The following ROS1 variants were observed in gnomAD, a reference collection of about 807,000 sequenced individuals.
ROS1 encodes the protein proto-oncogene tyrosine-protein kinase ROS.
In ROS1, 263 loss-of-function variants were observed where a neutral mutation model predicts 273.5. The ratio of observed to expected loss-of-function variants is 0.96; its 90% CI spans 0.87 to 1.06. The LOEUF (loss-of-function observed/expected upper bound fraction) is 1.06. Among genes scored for constraint, ROS1 ranks in the 50% least tolerant of loss-of-function variants. The probability of loss-of-function intolerance (pLI) is 0.00; values close to 1 mark genes in which losing one functional copy is unlikely to be tolerated. For missense variants in ROS1, 2,833 were observed against 2,751.1 expected (o/e 1.03, Z -0.67); for synonymous variants, 1,008 against 954.1 (o/e 1.06, Z -1.04).
chr6:117,288,484 C>T lies in ROS1; in HGVS notation c.*8G>A, dbSNP rs113903651. 4.1e-5 allele frequency: 66 copies of T among 1,596,344 alleles called. 1 individual carries two copies. In the African/African-American group the frequency reaches 6.2e-4, roughly 15 times the overall value. On this transcript the variant is annotated 3_prime_UTR_variant, in exon 44 of 44. Transcript: ENST00000368507. ...TTATCTCAACTCTCTATTTCCCAAA[C>T]AACGCTATTAATCAGACCCATCTCC...
At position 117,389,884 on chromosome 6, in the gene ROS1, C is replaced by T. The variant is rs41291922; in HGVS notation, c.1290-38G>A. On this transcript the variant is annotated intron_variant, in intron 12 of 43. Transcript: ENST00000368507. ...CAAAAGAAACCTCATGAGATTCAGT[C>T]CAAAGGTTGATGAGTAACCTCCTCA... 3.0e-3 allele frequency: 4,699 copies of T among 1,565,980 alleles called. 10 individuals are homozygous for T. Among genetic ancestry groups the T allele is most frequent in the Middle Eastern group, 7.0e-3 (41 of 5,848 alleles).
In ROS1 at chr6:117,295,439, T is replaced by C. The variant is rs1335516534; in HGVS notation, c.6715+5535A>G. Among the ~76,000 whole-genome samples, 5 of 152,148 alleles carry C rather than the reference T, an allele frequency of 3.3e-5. No individual in the cohort carries two copies. The East Asian group carries it at 9.6e-4, about 29-fold the overall frequency. ...GGACATTGGTTGGGGCAAAAATTTC[T>C]TGAGCAACACCCCACAAGCACAGGC... On this transcript the variant is annotated intron_variant, in intron 43 of 43. Coordinates refer to ENST00000368507, the MANE Select transcript of ROS1 (RefSeq NM_001378902.1).
intron 27 of ROS1, among the ~76,000 whole-genome samples, chr6:117,347,362 C>T (rs969089853): frequency 6.6e-6 from 1 of 152,046 alleles, no homozygotes. Flanking sequence ...TCTAATTCCA[C>T]TTGTCCATTG....
chr6:117,369,094 GA>G (rs1780514772), intron 18 of ROS1, among the ~76,000 whole-genome samples: 1 of 151,966 alleles, frequency 6.6e-6, no homozygotes, highest in South Asian at 2.1e-4. Flanking sequence ...TTATATGTTA[GA>G]AAATACTTTC....
intron 43 of ROS1, among the ~76,000 whole-genome samples, chr6:117,290,856 T>C (rs1004388980): frequency 6.6e-6 from 1 of 152,216 alleles, no homozygotes; most frequent in East Asian, 1.9e-4. Context: ...GTCCTTTCAA[T>C]AGCTTTTCTT....
At chr6:117,384,213 C>A (rs185701451) in intron 16 of ROS1, among the ~76,000 whole-genome samples, 1 of 152,284 alleles carries the variant, frequency 6.6e-6, no homozygotes, top group Admixed American at 6.5e-5. Flanking sequence ...TCTGCTTGCA[C>A]ATCTTTGGCA....
chr6:117,396,529 C>A (rs1773503006), intron 8 of ROS1, among the ~76,000 whole-genome samples: 1 of 152,068 alleles, frequency 6.6e-6, no homozygotes, highest in Non-Finnish European at 1.5e-5. Context: ...TAAAGAGGCT[C>A]TAGTAAATGA....
intron 43 of ROS1, 111 bp downstream of exon 43, chr6:117,300,863 G>T: frequency 1.5e-6 from 1 of 677,606 alleles, no homozygotes; most frequent in African/African-American, 1.9e-5. Flanking sequence ...AAAGGTGCCA[G>T]TATATTATTC....
At chr6:117,375,035 A>T (rs896303817) in intron 18 of ROS1, among the ~76,000 whole-genome samples, 4 of 152,260 alleles carry the variant, frequency 2.6e-5, no homozygotes, top group Non-Finnish European at 5.9e-5. Context: ...GATTGCAAAA[A>T]TATGGAACCA....
chr6:117,419,143 A>G (rs1285627306), intron 1 of ROS1, among the ~76,000 whole-genome samples: 1 of 152,322 alleles, frequency 6.6e-6, no homozygotes, highest in East Asian at 1.9e-4. Flanking sequence ...GCTAGAGAGA[A>G]GAGAGCAGCA....
At chr6:117,409,070 G>C (rs186757447) in intron 5 of ROS1, among the ~76,000 whole-genome samples, 3 of 124,510 alleles carry the variant, frequency 2.4e-5, no homozygotes, top group African/African-American at 8.9e-5. Flanking sequence ...GTTGTGGGGT[G>C]GGGGGAGGGT....
intron 12 of ROS1, among the ~76,000 whole-genome samples, chr6:117,390,206 A>G (rs1309522667): frequency 6.6e-6 from 1 of 152,078 alleles, no homozygotes; most frequent in Admixed American, 6.6e-5. Flanking sequence ...AGCTCACTGC[A>G]GCCTCAACCT....
intron 27 of ROS1, among the ~76,000 whole-genome samples, chr6:117,351,394 G>A (rs1032020929): frequency 1.3e-5 from 2 of 151,946 alleles, no homozygotes; most frequent in Admixed American, 6.6e-5. Context: ...ATGCTCTGGT[G>A]CCTTTCAAAA....
intron 17 of ROS1, among the ~76,000 whole-genome samples, chr6:117,379,722 G>A (rs942937522): frequency 1.3e-5 from 2 of 152,124 alleles, no homozygotes; most frequent in Non-Finnish European, 2.9e-5. Context: ...CTAGGCTCCA[G>A]TATGCTTTAA....
chr6:117,299,196 G>A (rs962052754), intron 43 of ROS1, among the ~76,000 whole-genome samples: 6 of 152,314 alleles, frequency 3.9e-5, no homozygotes, highest in East Asian at 3.9e-4. Context: ...CCAATCTGTC[G>A]CTTGGCAGTT....
At chr6:117,329,011 T>A (rs1203372652) in intron 33 of ROS1, among the ~76,000 whole-genome samples, 1 of 152,254 alleles carries the variant, frequency 6.6e-6, no homozygotes, top group East Asian at 1.9e-4. Flanking sequence ...TTATTTAACA[T>A]TAAACATCAG....
At chr6:117,395,348 G>A (rs1481022495) in intron 9 of ROS1, among the ~76,000 whole-genome samples, 4 of 152,040 alleles carry the variant, frequency 2.6e-5, no homozygotes, top group Admixed American at 2.6e-4. Flanking sequence ...TCACCCTTTG[G>A]ACGTGCTTCT....
chr6:117,386,743 C>G, intron 15 of ROS1, 146 bp downstream of exon 15: 1 of 473,632 alleles, frequency 2.1e-6, no homozygotes, highest in South Asian at 5.5e-5. Context: ...TTAACAGAAT[C>G]ACTGGCAGTA....
chr6:117,409,460 T>G, intron 5 of ROS1, 122 bp downstream of exon 5: 1 of 723,098 alleles, frequency 1.4e-6, no homozygotes. Context: ...TAAATAGATA[T>G]TTTTGATCAT....
Sources: gnomAD v4.1 joint callset for allele counts (sites outside exome capture counted in the v4.1 genomes callset) on GRCh38, gnomAD v4.1.1 for gene constraint, MANE v1.5 for transcripts, NCBI Gene and HGNC (gene_info 2026-07-23, HGNC 2026-07-21) for gene names.